Variants in CHRM3 observed in about 807,000 individuals in gnomAD.
CHRM3 encodes cholinergic receptor muscarinic 3, also known as muscarinic acetylcholine receptor M3.
Under a neutral mutation model 41.8 loss-of-function variants are expected in CHRM3, and 11 were observed. The observed-to-expected ratio is 0.26, with a 90% CI of 0.17 to 0.44. The LOEUF (loss-of-function observed/expected upper bound fraction) is 0.44. Among genes scored for constraint, CHRM3 ranks in the 20% least tolerant of loss-of-function variants. The pLI is 1.00. For synonymous variants in CHRM3, 297 were observed against 301.4 expected, an observed-to-expected ratio of 0.99 and a Z score of 0.15; for missense variants, 571 against 745.4, an observed-to-expected ratio of 0.77 and a Z score of 2.72.
At chr1:239,859,817 T>TTTTATATATATATATATA in intron 6 of CHRM3, among the ~76,000 whole-genome samples, 1 of 77,384 alleles carries the variant, frequency 1.3e-5, no homozygotes, top group African/African-American at 5.7e-5. Flanking sequence ...GTTCTAAGTG[T>TTTTATATATATATATATA]TTTATATATA....
chr1:239,772,635 T>C (rs745427018), intron 5 of CHRM3, among the ~76,000 whole-genome samples: 3 of 152,224 alleles, frequency 2.0e-5, no homozygotes, highest in Non-Finnish European at 4.4e-5. Flanking sequence ...TACAGCAGTT[T>C]ACAGTCTGCT....
chr1:239,609,179 T>C (rs545403746), intron 3 of CHRM3, among the ~76,000 whole-genome samples: 1 of 152,294 alleles, frequency 6.6e-6, no homozygotes, highest in South Asian at 2.1e-4. Flanking sequence ...CAGGCAACCA[T>C]AGATATGCTT....
At chr1:239,777,037 C>A (rs1163819011) in intron 5 of CHRM3, among the ~76,000 whole-genome samples, 1 of 152,130 alleles carries the variant, frequency 6.6e-6, no homozygotes, top group African/African-American at 2.4e-5. Flanking sequence ...CACAGGCAAA[C>A]CATATCAATA....
At chr1:239,543,938 G>A (rs1384174570) in intron 2 of CHRM3, among the ~76,000 whole-genome samples, 1 of 152,164 alleles carries the variant, frequency 6.6e-6, no homozygotes, top group African/African-American at 2.4e-5. Context: ...TAAATGAATG[G>A]CTGTGGCTGT....
At chr1:239,413,168 C>G (rs541705268) in intron 1 of CHRM3, among the ~76,000 whole-genome samples, 7 of 152,070 alleles carry the variant, frequency 4.6e-5, no homozygotes, top group Admixed American at 6.6e-5. Context: ...TCTAACCAAG[C>G]CTTACTGGTT....
intron 5 of CHRM3, among the ~76,000 whole-genome samples, chr1:239,793,270 G>C (rs1669494270): frequency 6.6e-6 from 1 of 152,160 alleles, no homozygotes; most frequent in African/African-American, 2.4e-5. Flanking sequence ...TTTCTTCCAA[G>C]AGTGACAATT....
intron 5 of CHRM3, among the ~76,000 whole-genome samples, chr1:239,813,916 C>CAAAAAAAAAAAAAAAAAAAAAAAAA (rs67147618): frequency 3.9e-5 from 4 of 103,242 alleles, no homozygotes; most frequent in African/African-American, 2.0e-4. Context: ...GACTCCGTCT[C>CAAAAAAAAAAAAAAAAAAAAAAAAA]AAAAAAAAAA....
intron 3 of CHRM3, among the ~76,000 whole-genome samples, chr1:239,602,135 T>TAC (rs1207337113): frequency 0.016 from 2,306 of 145,710 alleles, 30 homozygotes; most frequent in Non-Finnish European, 0.028. Flanking sequence ...TATATATATA[T>TAC]ATATAATTTT....
intron 5 of CHRM3, among the ~76,000 whole-genome samples, chr1:239,776,628 C>T (rs753486237): frequency 6.6e-6 from 1 of 152,076 alleles, no homozygotes; most frequent in Non-Finnish European, 1.5e-5. Context: ...AAATGAGGGC[C>T]ATGCCAAGGT....
rs561800422 is a variant in CHRM3, at chr1:239,523,485, G to A, written c.-421-22156G>A. Among the ~76,000 whole-genome samples the A allele has an allele frequency of 1.9e-3, 290 of 152,222 alleles. 1 individual carries two copies. The highest frequency in any genetic ancestry group is 6.6e-3 in the African/African-American group (276 of 41,546). Reference sequence around the variant, plus strand: ...AAAAATTACAGAAAAGCCGATGAATGGAAATAATCAGTGACAGATGTGGTT... The same window carrying A: ...AAAAATTACAGAAAAGCCGATGAATAGAAATAATCAGTGACAGATGTGGTT... On this transcript the variant is annotated intron_variant, in intron 2 of 6. Transcript: ENST00000676153.
chr1:239,544,787 G>C (rs992328364), intron 2 of CHRM3, among the ~76,000 whole-genome samples: 14 of 152,180 alleles, frequency 9.2e-5, no homozygotes, highest in Non-Finnish European at 1.5e-5. Context: ...AACTATATGG[G>C]AGACAGAGAA....
chr1:239,511,238 C>A (rs1668898216), intron 2 of CHRM3, among the ~76,000 whole-genome samples: 1 of 152,196 alleles, frequency 6.6e-6, no homozygotes, highest in South Asian at 2.1e-4. Flanking sequence ...AAATTACTTT[C>A]TAATACTACC....
chr1:239,525,005 G>A (rs1370172870), intron 2 of CHRM3, among the ~76,000 whole-genome samples: 1 of 152,034 alleles, frequency 6.6e-6, no homozygotes, highest in Non-Finnish European at 1.5e-5. Context: ...CCTTTACAAT[G>A]TACTAACCGG....
intron 4 of CHRM3, among the ~76,000 whole-genome samples, chr1:239,670,107 A>G (rs951053072): frequency 3.9e-5 from 6 of 152,224 alleles, no homozygotes; most frequent in African/African-American, 1.2e-4. Context: ...TACATGTGCA[A>G]TAACAAGCGC....
intron 5 of CHRM3, among the ~76,000 whole-genome samples, chr1:239,696,280 A>C (rs1342888292): frequency 6.6e-6 from 1 of 152,184 alleles, no homozygotes; most frequent in Non-Finnish European, 1.5e-5. Context: ...TATCAAGGCA[A>C]AAAGTGCTAT....
chr1:239,608,656 T>C (rs1171852972), intron 3 of CHRM3, among the ~76,000 whole-genome samples: 1 of 152,188 alleles, frequency 6.6e-6, no homozygotes, highest in Non-Finnish European at 1.5e-5. Flanking sequence ...AGAATGACAA[T>C]GGCGCTGCCG....
chr1:239,611,408 G>A (rs555098935), intron 3 of CHRM3, among the ~76,000 whole-genome samples: 20 of 143,662 alleles, frequency 1.4e-4, no homozygotes, highest in Admixed American at 1.1e-3. Flanking sequence ...TCCAAGGTTT[G>A]CAAGTGACTT....
chr1:239,754,209 T>C (rs1666058482), intron 5 of CHRM3, among the ~76,000 whole-genome samples: 1 of 152,232 alleles, frequency 6.6e-6, no homozygotes, highest in Admixed American at 6.5e-5. Flanking sequence ...TCAGAGGAAA[T>C]GTATCTTATG....
At chr1:239,877,113 A>G (rs1453904590) in intron 6 of CHRM3, among the ~76,000 whole-genome samples, 1 of 152,218 alleles carries the variant, frequency 6.6e-6, no homozygotes, top group Non-Finnish European at 1.5e-5. Context: ...ATACACACAC[A>G]GAGTCATCCT....
Sources: gnomAD v4.1 joint callset for allele counts (sites outside exome capture counted in the v4.1 genomes callset) on GRCh38, gnomAD v4.1.1 for gene constraint, MANE v1.5 for transcripts, NCBI Gene and HGNC (gene_info 2026-07-23, HGNC 2026-07-21) for gene names.